EYA2: variants seen among roughly 807,000 people sequenced by gnomAD.
EYA2 encodes the protein EYA transcriptional coactivator and phosphatase 2.
In EYA2, 31 loss-of-function variants were observed where a neutral mutation model predicts 69.2. The ratio of observed to expected loss-of-function variants is 0.45; its 90% CI spans 0.34 to 0.60. The LOEUF (loss-of-function observed/expected upper bound fraction) is 0.60. Ranked by LOEUF, EYA2 falls within the 20% of genes least tolerant of loss-of-function variation. The pLI, the probability that EYA2 is intolerant of heterozygous loss-of-function variation, is 0.02. For missense variants in EYA2, 622 were observed against 701.2 expected, an observed-to-expected ratio of 0.89 and a Z score of 1.28; for synonymous variants, 257 against 279.4, an observed-to-expected ratio of 0.92 and a Z score of 0.80.
intron 1 of EYA2, among the ~76,000 whole-genome samples, chr20:46,938,475 T>C (rs1986015945): frequency 6.6e-6 from 1 of 152,252 alleles, no homozygotes; most frequent in Non-Finnish European, 1.5e-5. Flanking sequence ...ACTCAGGGTC[T>C]CTCATGAGGC....
intron 1 of EYA2, among the ~76,000 whole-genome samples, chr20:46,923,611 C>CA (rs1260054223): frequency 3.3e-5 from 5 of 152,066 alleles, no homozygotes; most frequent in African/African-American, 1.2e-4. Flanking sequence ...TGGGAAATAC[C>CA]ATTGGAATAT....
intron 1 of EYA2, among the ~76,000 whole-genome samples, chr20:46,977,310 AC>A (rs1317871511): frequency 4.6e-5 from 7 of 152,370 alleles, no homozygotes; most frequent in Non-Finnish European, 8.8e-5. Flanking sequence ...TATTTGGGTA[AC>A]CAAAATTCTA....
At chr20:47,121,133 T>C (rs1209965653) in intron 9 of EYA2, among the ~76,000 whole-genome samples, 2 of 152,174 alleles carry the variant, frequency 1.3e-5, no homozygotes, top group Non-Finnish European at 2.9e-5. Flanking sequence ...CTTTCTCTGT[T>C]GCCCAGGTTG....
intron 7 of EYA2, among the ~76,000 whole-genome samples, chr20:47,086,503 C>T (rs2031897075): frequency 6.6e-6 from 1 of 151,710 alleles, no homozygotes; most frequent in Non-Finnish European, 1.5e-5. Flanking sequence ...GGGAAGCAGG[C>T]ACGTCTTACA....
chr20:46,953,221 C>T (rs577189399), intron 1 of EYA2, among the ~76,000 whole-genome samples: 1 of 152,282 alleles, frequency 6.6e-6, no homozygotes, highest in Admixed American at 6.5e-5. Context: ...CATGACTACC[C>T]TCTGAGGCAG....
chr20:47,098,334 A>C (rs537041459), intron 9 of EYA2, among the ~76,000 whole-genome samples: 1 of 152,330 alleles, frequency 6.6e-6, no homozygotes, highest in East Asian at 1.9e-4. Context: ...GGGCTATCCC[A>C]AAGGGGCCAC....
intron 5 of EYA2, among the ~76,000 whole-genome samples, chr20:47,024,700 C>T (rs1327433328): frequency 1.3e-5 from 2 of 152,342 alleles, no homozygotes; most frequent in Admixed American, 1.3e-4. Context: ...TTCTTGGAAA[C>T]TCTATCCTGG....
chr20:47,170,735 A>G (rs1308297882), intron 11 of EYA2, among the ~76,000 whole-genome samples: 1 of 152,060 alleles, frequency 6.6e-6, no homozygotes, highest in Non-Finnish European at 1.5e-5. Context: ...GTAAAAATGG[A>G]ACCATAGTTA....
At chr20:47,054,229 C>T (rs1182300786) in intron 5 of EYA2, among the ~76,000 whole-genome samples, 1 of 152,084 alleles carries the variant, frequency 6.6e-6, no homozygotes. Context: ...TCCAACTTGA[C>T]CCTGATGCCA....
At chr20:47,131,544 A>G (rs1482424219) in intron 9 of EYA2, among the ~76,000 whole-genome samples, 1 of 152,164 alleles carries the variant, frequency 6.6e-6, no homozygotes, top group Admixed American at 6.5e-5. Flanking sequence ...GGCCAAAGGG[A>G]CTTTGCAGCT....
intron 10 of EYA2, among the ~76,000 whole-genome samples, chr20:47,165,812 A>G (rs866543165): frequency 6.6e-6 from 1 of 152,144 alleles, no homozygotes; most frequent in Middle Eastern, 3.4e-3. Flanking sequence ...ATTCCAGCCC[A>G]GCTCCCCACA....
At chr20:46,902,819 C>T (rs1984178121) in intron 1 of EYA2, among the ~76,000 whole-genome samples, 1 of 152,214 alleles carries the variant, frequency 6.6e-6, no homozygotes, top group Admixed American at 6.5e-5. Context: ...TTGCTTACAG[C>T]TGCTCTTGCC....
At chr20:47,149,051 T>A (rs915755254) in intron 10 of EYA2, among the ~76,000 whole-genome samples, 2 of 151,294 alleles carry the variant, frequency 1.3e-5, no homozygotes. Context: ...CACTCCAGCC[T>A]GGGCGATAGA....
chr20:47,000,358 T>A (rs1413705478), intron 2 of EYA2, among the ~76,000 whole-genome samples: 3 of 152,178 alleles, frequency 2.0e-5, no homozygotes, highest in Non-Finnish European at 4.4e-5. Flanking sequence ...GCCTGAAGTC[T>A]CATAACTAGG....
At chr20:46,925,325 C>G (rs6018181) in intron 1 of EYA2, among the ~76,000 whole-genome samples, 22,851 of 152,178 alleles carry the variant, frequency 0.15, 2,592 homozygotes, top group East Asian at 0.48. Flanking sequence ...AGAAAAGATT[C>G]ATGACTGGCC....
At position 47,116,994 on chromosome 20, in the gene EYA2, A is replaced by ATTTTTT. The variant is rs11482114; in HGVS notation, c.888+19841_888+19846dup. Among the ~76,000 whole-genome samples, 43 of 117,026 alleles carry ATTTTTT rather than the reference A, an allele frequency of 3.7e-4. 1 individual carries two copies. The highest frequency in any genetic ancestry group is 1.2e-3 in the African/African-American group (36 of 29,754). 76.8% of individuals were successfully genotyped at this position (117,026 alleles called of 152,430 possible). On this transcript the variant is annotated intron_variant, in intron 9 of 15. Coordinates refer to ENST00000327619, the MANE Select transcript of EYA2 (RefSeq NM_005244.5). ...GTAGACTCACTGAACATGCATCTGC[A>ATTTTTT]TTTTTTTTTTTTTTTTTTTTGAGGC... is the stretch of plus-strand genomic sequence containing the variant.
intron 1 of EYA2, among the ~76,000 whole-genome samples, chr20:46,965,797 T>C (rs1301240909): frequency 6.6e-6 from 1 of 152,256 alleles, no homozygotes; most frequent in African/African-American, 2.4e-5. Context: ...CTTTAGAATG[T>C]GTTTGTCTGG....
intron 1 of EYA2, among the ~76,000 whole-genome samples, chr20:46,911,729 T>G (rs1984652221): frequency 6.6e-6 from 1 of 152,082 alleles, no homozygotes; most frequent in Admixed American, 6.5e-5. Context: ...CACTTGTGTG[T>G]GGGAACTGGA....
At chr20:46,923,324 C>T (rs141792618) in intron 1 of EYA2, among the ~76,000 whole-genome samples, 3,864 of 152,248 alleles carry the variant, frequency 0.025, 186 homozygotes, top group African/African-American at 0.088. Context: ...AAGATCGTGC[C>T]ACTGCACTCC....
Sources: allele counts gnomAD v4.1 joint callset (sites outside exome capture counted in the v4.1 genomes callset), GRCh38; gene constraint gnomAD v4.1.1; transcripts MANE v1.5; gene names NCBI Gene and HGNC (gene_info 2026-07-23, HGNC 2026-07-21).